The following ARAP1 variants were observed in gnomAD, a reference collection of about 807,000 sequenced individuals.
ARAP1 encodes ArfGAP with RhoGAP domain, ankyrin repeat and PH domain 1.
Under a neutral mutation model 172.2 loss-of-function variants are expected in ARAP1, and 76 were observed. That is an observed-to-expected ratio of 0.44 (90% CI 0.37 to 0.53). The LOEUF is 0.53. ARAP1 is among the 20% of genes least tolerant of loss of function. ARAP1 has a pLI of 0.00. For synonymous variants in ARAP1, 804 were observed against 803.3 expected (o/e 1.00, Z -0.01); for missense variants, 1,686 against 1,977.5 (o/e 0.85, Z 2.80).
At chr11:72,688,182 G>A (rs1855773219) in intron 31 of ARAP1, among the ~76,000 whole-genome samples, 1 of 152,000 alleles carries the variant, frequency 6.6e-6, no homozygotes, top group East Asian at 1.9e-4. Flanking sequence ...ACAAGGTCTC[G>A]CCATGTTGCC....
chr11:72,749,577 C>G (rs1423394782), intron 1 of ARAP1, among the ~76,000 whole-genome samples: 1 of 152,156 alleles, frequency 6.6e-6, no homozygotes, highest in East Asian at 1.9e-4. Flanking sequence ...ACAGCAGGTA[C>G]TCAACAAAGA....
At chr11:72,719,414 T>C (rs932292781) in intron 3 of ARAP1, among the ~76,000 whole-genome samples, 1 of 152,192 alleles carries the variant, frequency 6.6e-6, no homozygotes, top group African/African-American at 2.4e-5. Flanking sequence ...GAGACAGGGC[T>C]TGGAGCCAGG....
intron 1 of ARAP1, among the ~76,000 whole-genome samples, chr11:72,736,729 AC>A (rs1858039858): frequency 6.6e-6 from 1 of 151,178 alleles, no homozygotes; most frequent in Admixed American, 6.6e-5. Context: ...CTACAGTCCC[AC>A]CCCCACTCAA....
At chr11:72,703,413 G>GGGGGT (rs1856597174) in intron 14 of ARAP1, 2 of 173,066 alleles carry the variant, frequency 1.2e-5, no homozygotes, top group African/African-American at 5.0e-5. Flanking sequence ...GGAGCCGGGG[G>GGGGGT]GGGGGTGTGC....
intron 2 of ARAP1, among the ~76,000 whole-genome samples, chr11:72,727,478 G>C (rs1857729336): frequency 1.3e-5 from 2 of 152,262 alleles, no homozygotes; most frequent in South Asian, 4.1e-4. Flanking sequence ...ACACAGCCTT[G>C]GCCACTGCCG....
chr11:72,740,664 C>T (rs924433189), intron 1 of ARAP1, among the ~76,000 whole-genome samples: 5 of 152,182 alleles, frequency 3.3e-5, no homozygotes, highest in Admixed American at 3.3e-4. Flanking sequence ...TCAAAGCCCC[C>T]TCCCTGCCCC....
intron 14 of ARAP1, chr11:72,703,912 G>C (rs1441982716): frequency 5.4e-6 from 3 of 556,906 alleles, no homozygotes; most frequent in African/African-American, 3.9e-5. Flanking sequence ...AATTGGGAGA[G>C]AGACAGACAG....
chr11:72,695,981 C>T lies in ARAP1; in HGVS notation c.3273-116G>A. On this transcript the variant is annotated intron_variant, in intron 23 of 34. Coordinates refer to ENST00000393609, the MANE Select transcript of ARAP1 (RefSeq NM_001040118.3). This position sits in a 1 kb window ranked among gnomAD's most constrained non-coding sequence, Gnocchi z 4.4. ...CTGGTCAGAGGGGACCACTGTTTAA[C>T]AGGGTAGGAACAGTTTTTCTGGCCA... 7.7e-7 allele frequency: 1 copy of T among 1,301,868 alleles called. No homozygotes were observed. Among genetic ancestry groups the T allele is most frequent in the South Asian group, 1.5e-5 (1 of 65,744 alleles). 80.6% of individuals were successfully genotyped at this position (1,301,868 alleles called of 1,614,324 possible).
chr11:72,695,916 C>T lies in ARAP1; in HGVS notation c.3273-51G>A. 6.4e-7 allele frequency: 1 copy of T among 1,562,992 alleles called. No individual in the cohort carries two copies. On this transcript the variant is annotated intron_variant, in intron 23 of 34. Transcript: ENST00000393609. The surrounding 1 kb of genome is among the most constrained non-coding windows in gnomAD (Gnocchi z 4.4). ...GAGTGAGGAGTCAGGCCAGAGCTTC[C>T]CATCTCACCCTATTAATTTCTGACA...
intron 7 of ARAP1, among the ~76,000 whole-genome samples, 191 bp from the exon 8 acceptor site, chr11:72,711,690 A>C (rs1372405688): frequency 2.2e-5 from 2 of 90,002 alleles, no homozygotes; most frequent in African/African-American, 9.6e-5. Flanking sequence ...AAAGTAGCAC[A>C]TCTCTTTTTT....
intron 2 of ARAP1, among the ~76,000 whole-genome samples, chr11:72,728,826 A>G (rs1018858875): frequency 6.6e-6 from 1 of 152,258 alleles, no homozygotes; most frequent in African/African-American, 2.4e-5. Context: ...AGTTCTGGAT[A>G]GAAGACAACA....
intron 6 of ARAP1, 27 bp from the exon 7 acceptor site, chr11:72,712,366 C>T: frequency 6.5e-7 from 1 of 1,541,668 alleles, no homozygotes; most frequent in Non-Finnish European, 8.8e-7. Flanking sequence ...GGATGGGGGG[C>T]CGGGCTGAGG....
At chr11:72,709,573 C>CAGGGATAGTGGGGCAGGGGCAGTGGG (rs1370480151) in intron 11 of ARAP1, among the ~76,000 whole-genome samples, 104 of 152,090 alleles carry the variant, frequency 6.8e-4, no homozygotes, top group African/African-American at 2.3e-3. Context: ...GGCGTAGGCG[C>CAGGGATAGTGGGGCAGGGGCAGTGGG]AGGGATAGTG....
At chr11:72,694,760 C>T (rs1257548666) in intron 27 of ARAP1, among the ~76,000 whole-genome samples, 1 of 152,212 alleles carries the variant, frequency 6.6e-6, no homozygotes, top group African/African-American at 2.4e-5. Context: ...TCAACCATCA[C>T]CACTGTCACT....
At chr11:72,713,009 C>A in intron 5 of ARAP1, 167 bp downstream of exon 5, 1 of 722,484 alleles carries the variant, frequency 1.4e-6, no homozygotes. Flanking sequence ...AGCGCTGTGG[C>A]TACACGTGAC....
Position 72,697,415 on chromosome 11 carries a change from G to A in ARAP1, c.2861C>T (p.Ala954Val). 1.2e-6 allele frequency: 2 copies of A among 1,611,824 alleles called. No individual in the cohort carries two copies. The highest frequency in any genetic ancestry group is 1.1e-5 in the South Asian group (1 of 90,902). ...GWLGAIQKAA[A>V]SMGDTLSEQQ... ...CTCCGACAGCGTGTCCCCCATGCTG[G>A]CGGCTGCTTTCTGGATGGCCCCCAG... The change falls in exon 21 of 35, where the codon GCC (alanine) becomes GTC (valine). Residue 954 changes from alanine to valine, a missense_variant. This residue lies in a region of ARAP1 where 274 missense variants were observed against 262.7 expected (regional missense o/e 1.04). Transcript: ENST00000393609.
intron 27 of ARAP1, among the ~76,000 whole-genome samples, chr11:72,694,283 A>C (rs985849075): frequency 6.6e-6 from 1 of 151,858 alleles, no homozygotes; most frequent in Non-Finnish European, 1.5e-5. Flanking sequence ...ATCAGCGAGT[A>C]GCAATCTTCT....
chr11:72,697,143 CTG>C lies in ARAP1; in HGVS notation c.3004_3005del (p.Gln1002AlafsTer24). ...CCTGCCGCAGGCTCTCCAGCAGCCG[CTG>C]TGTCTTCGATGTCTGCCCACACTTG... ...YRKCGQTSKT[Q>X]RLLESLRQDA... On this transcript the variant is annotated frameshift_variant, in exon 22 of 35. Coordinates refer to ENST00000393609, the MANE Select transcript of ARAP1 (RefSeq NM_001040118.3). LOFTEE classifies it high-confidence loss of function. The C allele has an allele frequency of 6.2e-7, 1 of 1,605,494 alleles. No individual in the cohort carries two copies. Among genetic ancestry groups the C allele is most frequent in the Non-Finnish European group, 8.5e-7 (1 of 1,179,888 alleles).
chr11:72,687,335 T>G (rs1855734342), intron 33 of ARAP1, 104 bp downstream of exon 33: 1 of 1,427,384 alleles, frequency 7.0e-7, no homozygotes, highest in African/African-American at 1.4e-5. Flanking sequence ...CAAAATCTCC[T>G]TGAAGCAAGG....
Sources: gnomAD v4.1 joint callset for allele counts (sites outside exome capture counted in the v4.1 genomes callset) on GRCh38, gnomAD v4.1.1 for gene constraint, gnomAD v4.1.1 regional missense constraint, Gnocchi (gnomAD v3.1) non-coding constraint, MANE v1.5 for transcripts, NCBI Gene and HGNC (gene_info 2026-07-23, HGNC 2026-07-21) for gene names.